Variants in NCAM1 observed in about 807,000 individuals in gnomAD.
NCAM1 encodes the protein antigen recognized by monoclonal antibody 5.1H11.
NCAM1 carries 14 observed loss-of-function variants against 109.8 expected under a neutral mutation model. The ratio of observed to expected loss-of-function variants is 0.13; its 90% confidence interval spans 0.08 to 0.20. The LOEUF is 0.20. NCAM1 is among the 10% of genes least tolerant of loss of function. The pLI, the probability that NCAM1 is intolerant of heterozygous loss-of-function variation, is 1.00. For missense variants in NCAM1, 774 were observed against 1,109.9 expected (o/e 0.70, Z 4.30); for synonymous variants, 418 against 442.9 (o/e 0.94, Z 0.70).
chr11:113,216,504 A>T (rs1332522211), intron 8 of NCAM1, among the ~76,000 whole-genome samples: 2 of 152,182 alleles, frequency 1.3e-5, no homozygotes, highest in Non-Finnish European at 2.9e-5. Flanking sequence ...ACACATTCAT[A>T]CTTGCTAAAT....
chr11:113,126,199 TAAC>T (rs1209347904), intron 1 of NCAM1, among the ~76,000 whole-genome samples: 1 of 151,170 alleles, frequency 6.6e-6, no homozygotes, highest in Non-Finnish European at 1.5e-5. Flanking sequence ...CCCCTACCCT[TAAC>T]AACAACAAAT....
intron 1 of NCAM1, among the ~76,000 whole-genome samples, chr11:113,148,995 A>C (rs1942123726): frequency 6.6e-6 from 1 of 152,176 alleles, no homozygotes. Context: ...GCTACTCTCT[A>C]AAAGGATCTT....
At chr11:113,022,031 C>T (rs2135248303) in intron 1 of NCAM1, among the ~76,000 whole-genome samples, 1 of 152,254 alleles carries the variant, frequency 6.6e-6, no homozygotes, top group South Asian at 2.1e-4. Flanking sequence ...TAGTCAAAGC[C>T]AATGAAACTA....
intron 4 of NCAM1, 115 bp from the exon 5 acceptor site, chr11:113,205,928 G>C: frequency 5.9e-6 from 8 of 1,344,974 alleles, no homozygotes. Context: ...TCTTATTTGG[G>C]CTTAAAACCC....
At chr11:113,104,337 A>G (rs537127232) in intron 1 of NCAM1, among the ~76,000 whole-genome samples, 104 of 151,948 alleles carry the variant, frequency 6.8e-4, no homozygotes, top group African/African-American at 2.4e-3. Context: ...GAGTTTAGAC[A>G]TATAGCATCT....
chr11:113,018,195 C>G (rs1484032984), intron 1 of NCAM1, among the ~76,000 whole-genome samples: 1 of 151,732 alleles, frequency 6.6e-6, no homozygotes, highest in South Asian at 2.1e-4. Context: ...AAAAAAAACA[C>G]ACACATTACA....
At chr11:113,186,152 G>A (rs538504096) in intron 1 of NCAM1, among the ~76,000 whole-genome samples, 2 of 152,182 alleles carry the variant, frequency 1.3e-5, no homozygotes. Flanking sequence ...CCCCAGCCCT[G>A]GGCTGCAGAT....
In NCAM1 at chr11:113,278,402, A is replaced by G. The variant is rs527853313; in HGVS notation, c.*3015A>G. The G allele has an allele frequency of 3.3e-5, 5 of 152,320 alleles. No homozygotes were observed. The highest frequency in any genetic ancestry group is 3.9e-4 in the East Asian group (2 of 5,188). The allele number at this position is 152,320 out of a possible 1,614,324, so 9.4% of individuals were successfully genotyped here. ...TTTTGACTTTGCATTCTGTCGGAAT[A>G]CTTGTGTTCAATAAAAATTGAAAGA... is the stretch of plus-strand genomic sequence containing the variant. On this transcript the variant is annotated 3_prime_UTR_variant, in exon 20 of 20. Transcript: ENST00000316851.
chr11:113,219,535 AGT>A (rs1944626902), intron 8 of NCAM1, among the ~76,000 whole-genome samples: 1 of 152,248 alleles, frequency 6.6e-6, no homozygotes, highest in Non-Finnish European at 1.5e-5. Flanking sequence ...TTATTTCATA[AGT>A]GTGTACATTT....
chr11:113,138,462 G>A (rs565418899), intron 1 of NCAM1, among the ~76,000 whole-genome samples: 14 of 152,326 alleles, frequency 9.2e-5, no homozygotes, highest in Non-Finnish European at 1.5e-4. Flanking sequence ...AATAGCAAAC[G>A]GCAAGAATGA....
chr11:113,167,543 T>A (rs116625001), intron 1 of NCAM1, among the ~76,000 whole-genome samples: 3 of 143,912 alleles, frequency 2.1e-5, no homozygotes, highest in Non-Finnish European at 3.0e-5. Context: ...TTTTTTTAAT[T>A]AAAAAAAAAA....
intron 9 of NCAM1, among the ~76,000 whole-genome samples, chr11:113,229,023 A>G (rs1172172367): frequency 0.013 from 2,001 of 152,252 alleles, 30 homozygotes; most frequent in African/African-American, 0.038. Flanking sequence ...ATAGGCATGG[A>G]CAAGGACTTC....
At chr11:113,235,357 C>G (rs1436521576) in intron 14 of NCAM1, 193 bp downstream of exon 14, 1 of 1,248,096 alleles carries the variant, frequency 8.0e-7, no homozygotes, top group Non-Finnish European at 1.2e-6. Flanking sequence ...TTCATTCTCT[C>G]TTTCTCCAAG....
intron 1 of NCAM1, among the ~76,000 whole-genome samples, chr11:113,071,175 G>A (rs972441405): frequency 2.0e-5 from 3 of 152,082 alleles, no homozygotes; most frequent in Non-Finnish European, 4.4e-5. Context: ...TGGTATGACT[G>A]GAATAGATGA....
intron 17 of NCAM1, chr11:113,263,817 T>A: frequency 1.0e-6 from 1 of 985,518 alleles, no homozygotes; most frequent in Non-Finnish European, 1.2e-6. Context: ...ATTAGTCCCC[T>A]ACCTGGCCTG....
At chr11:112,971,068 C>T (rs1243053762) in intron 1 of NCAM1, among the ~76,000 whole-genome samples, 2 of 151,684 alleles carry the variant, frequency 1.3e-5, no homozygotes, top group East Asian at 3.9e-4. Flanking sequence ...ATTTTTCAAA[C>T]TATGGATGAT....
chr11:113,230,172 T>C (rs1376824916), intron 9 of NCAM1, among the ~76,000 whole-genome samples: 4 of 152,114 alleles, frequency 2.6e-5, no homozygotes, highest in Admixed American at 2.6e-4. Flanking sequence ...ACAAACTGGG[T>C]GTCACAAGGC....
intron 14 of NCAM1, chr11:113,242,817 T>G (rs782477628): frequency 1.2e-6 from 2 of 1,614,044 alleles, no homozygotes; most frequent in South Asian, 1.1e-5. Flanking sequence ...ACTTGGCCTC[T>G]TCCTGCCCTT....
chr11:112,988,633 T>C (rs1461831233), intron 1 of NCAM1, among the ~76,000 whole-genome samples: 5 of 152,186 alleles, frequency 3.3e-5, no homozygotes, highest in African/African-American at 1.2e-4. Context: ...TCCCTTCTGG[T>C]TTTAATGTTT....
Sources: allele counts gnomAD v4.1 joint callset (sites outside exome capture counted in the v4.1 genomes callset), GRCh38; gene constraint gnomAD v4.1.1; transcripts MANE v1.5; gene names NCBI Gene and HGNC (gene_info 2026-07-23, HGNC 2026-07-21).